PDE6A: variants seen among roughly 807,000 people sequenced by gnomAD.
PDE6A encodes the protein rod cGMP-specific 3',5'-cyclic phosphodiesterase subunit alpha.
In PDE6A, 84 loss-of-function variants were observed where a neutral mutation model predicts 106.3. The observed-to-expected ratio is 0.79, with a 90% CI of 0.66 to 0.95. The LOEUF is 0.95. Ranked by LOEUF, PDE6A falls within the 40% of genes least tolerant of loss-of-function variation. The pLI is 0.00. For synonymous variants in PDE6A, 394 were observed against 386.6 expected, an observed-to-expected ratio of 1.02 and a Z score of -0.23; for missense variants, 1,052 against 1,084.9, an observed-to-expected ratio of 0.97 and a Z score of 0.43.
chr5:149,929,878 G>A (rs1753980059), intron 4 of PDE6A, among the ~76,000 whole-genome samples: 1 of 152,112 alleles, frequency 6.6e-6, no homozygotes, highest in African/African-American at 2.4e-5. Flanking sequence ...TATATCAGCA[G>A]CTATAATTAA....
chr5:149,909,052 G>C (rs1753289782), intron 6 of PDE6A, among the ~76,000 whole-genome samples: 1 of 151,428 alleles, frequency 6.6e-6, no homozygotes, highest in South Asian at 2.1e-4. Context: ...TTCAAGATAG[G>C]GTCTTACTGT....
intron 17 of PDE6A, among the ~76,000 whole-genome samples, chr5:149,878,025 G>T (rs1029489094): frequency 1.3e-5 from 2 of 152,160 alleles, no homozygotes; most frequent in Admixed American, 6.5e-5. Flanking sequence ...AGAGGTTTTT[G>T]TCTCTACGAC....
At chr5:149,915,136 G>A (rs1753512673) in intron 5 of PDE6A, 129 bp from the exon 6 acceptor site, 2 of 606,418 alleles carry the variant, frequency 3.3e-6, no homozygotes, top group Non-Finnish European at 5.8e-6. Context: ...CTGCGTTCAA[G>A]CTATTCTTCT....
intron 6 of PDE6A, among the ~76,000 whole-genome samples, chr5:149,914,459 G>C (rs1247036220): frequency 6.6e-6 from 1 of 152,156 alleles, no homozygotes; most frequent in Non-Finnish European, 1.5e-5. Flanking sequence ...ACAAAGCTCT[G>C]CACCAAGCTC....
intron 6 of PDE6A, among the ~76,000 whole-genome samples, chr5:149,914,605 C>T (rs1433012675): frequency 1.3e-5 from 2 of 149,458 alleles, no homozygotes; most frequent in Non-Finnish European, 3.0e-5. Context: ...AGTCCTGTTC[C>T]AGTCTTTAAT....
intron 6 of PDE6A, among the ~76,000 whole-genome samples, chr5:149,912,559 T>C (rs1753420339): frequency 6.6e-6 from 1 of 152,176 alleles, no homozygotes; most frequent in South Asian, 2.1e-4. Flanking sequence ...AGAGCCAGTG[T>C]GTATTTTTCC....
At chr5:149,885,057 T>A (rs962972608) in intron 14 of PDE6A, among the ~76,000 whole-genome samples, 190 bp from the exon 15 acceptor site, 3 of 152,116 alleles carry the variant, frequency 2.0e-5, no homozygotes, top group Non-Finnish European at 4.4e-5. Flanking sequence ...ACACACACAA[T>A]GCCATAAGGG....
chr5:149,925,871 T>TGTA (rs1753852279), intron 4 of PDE6A, among the ~76,000 whole-genome samples: 2 of 152,176 alleles, frequency 1.3e-5, no homozygotes, highest in Non-Finnish European at 2.9e-5. Context: ...TTAGAGGTCT[T>TGTA]TTCATTACCA....
intron 5 of PDE6A, among the ~76,000 whole-genome samples, chr5:149,920,302 C>T (rs1303732091): frequency 2.0e-5 from 3 of 152,026 alleles, no homozygotes; most frequent in Non-Finnish European, 2.9e-5. Flanking sequence ...TGGTGGGGGC[C>T]GGGCGCAGTG....
chr5:149,894,126 ACT>A (rs1034742104), intron 13 of PDE6A, among the ~76,000 whole-genome samples: 14 of 152,090 alleles, frequency 9.2e-5, no homozygotes, highest in Admixed American at 7.2e-4. Context: ...GGTAGAAGCA[ACT>A]CTCTAAAAAG....
At chr5:149,943,878 TACAG>T (rs1754394124) in intron 1 of PDE6A, among the ~76,000 whole-genome samples, 1 of 152,124 alleles carries the variant, frequency 6.6e-6, no homozygotes, top group African/African-American at 2.4e-5. Flanking sequence ...CGCCAGTACT[TACAG>T]ACAAAGGGCA....
intron 5 of PDE6A, among the ~76,000 whole-genome samples, chr5:149,916,401 C>T (rs753402436): frequency 4.6e-5 from 7 of 152,266 alleles, no homozygotes; most frequent in Non-Finnish European, 1.0e-4. Context: ...AGCCATCCTC[C>T]CTGCAGGGTG....
chr5:149,928,278 AAC>A (rs1210335006), intron 4 of PDE6A, among the ~76,000 whole-genome samples: 1 of 116,794 alleles, frequency 8.6e-6, no homozygotes, highest in African/African-American at 3.7e-5. Context: ...CTGTCACCCA[AAC>A]TGGAGTGCAG....
chr5:149,894,551 A>T (rs1176720538), intron 13 of PDE6A, among the ~76,000 whole-genome samples: 1 of 151,998 alleles, frequency 6.6e-6, no homozygotes, highest in East Asian at 1.9e-4. Context: ...ATAACAGGCC[A>T]TTTAAAAATG....
In PDE6A at chr5:149,934,641, A is replaced by G; in HGVS notation, c.552T>C (p.Asn184=). Residue 184 remains asparagine (N), a synonymous_variant, in exon 2 of 22, where the codon AAT becomes AAC. Coordinates refer to ENST00000255266, the MANE Select transcript of PDE6A (RefSeq NM_000440.3). ...TKNILASPIM[N]GKDVVAIIMA... ...TGATTATGGCCACCACATCCTTCCC[A>G]TTCATTATGGGGGAAGCCAAGATGT... 6.2e-7 allele frequency: 1 copy of G among 1,614,046 alleles called. No individual in the cohort carries two copies.
chr5:149,863,356 G>A lies in PDE6A; in HGVS notation c.2359-90C>T, dbSNP rs1330197683. On this transcript the variant is annotated intron_variant, in intron 20 of 21. Transcript: ENST00000255266. The surrounding 1 kb of genome is among the most constrained non-coding windows in gnomAD (Gnocchi z 4.7). ...GGCACAGCTGGAAACGTCCAACACT[G>A]GAATGAGCTGCTTCGGAGTAGCAGG... The A allele has an allele frequency of 7.5e-7, 1 of 1,328,518 alleles. No homozygotes were observed. 82.3% of individuals were successfully genotyped at this position (1,328,518 alleles called of 1,614,324 possible).
rs145779308 is a variant in PDE6A, at chr5:149,943,215, G to C, written c.474+985C>G. On this transcript the variant is annotated intron_variant, in intron 1 of 21. Transcript: ENST00000255266. ...GTACTCGAGACTGGAGAATGGCGAT[G>C]ACTTTTACCAAGCATACTGCCTGCA... Among the ~76,000 whole-genome samples the C allele has an allele frequency of 9.7e-3, 1,474 of 152,216 alleles. 23 individuals carry two copies. Among genetic ancestry groups the C allele is most frequent in the African/African-American group, 0.034 (1,419 of 41,530 alleles).
chr5:149,861,578 A>T (rs1369256541), intron 21 of PDE6A, among the ~76,000 whole-genome samples: 2 of 152,066 alleles, frequency 1.3e-5, no homozygotes, highest in Non-Finnish European at 2.9e-5. Flanking sequence ...TGAGGCCGGG[A>T]ATTTGAGGCT....
At chr5:149,865,542 G>C (rs1180897197) in intron 20 of PDE6A, among the ~76,000 whole-genome samples, 2 of 152,192 alleles carry the variant, frequency 1.3e-5, no homozygotes, top group East Asian at 3.9e-4. Flanking sequence ...TTGTATCTCA[G>C]ATGCTCTTGT....
Sources: gnomAD v4.1 joint callset for allele counts (sites outside exome capture counted in the v4.1 genomes callset) on GRCh38, gnomAD v4.1.1 for gene constraint, Gnocchi (gnomAD v3.1) non-coding constraint, MANE v1.5 for transcripts, NCBI Gene and HGNC (gene_info 2026-07-23, HGNC 2026-07-21) for gene names.